NTM: variants seen among roughly 807,000 people sequenced by gnomAD.
The protein encoded by NTM is neurotrimin.
In NTM, 13 loss-of-function variants were observed where a neutral mutation model predicts 42.1. The ratio of observed to expected loss-of-function variants is 0.31; its 90% CI spans 0.20 to 0.49. The LOEUF (loss-of-function observed/expected upper bound fraction) is 0.49, where lower values mean the gene tolerates loss of function less well. Ranked by LOEUF, NTM falls within the 20% of genes least tolerant of loss-of-function variation. The pLI is 0.99. For synonymous variants in NTM, 187 were observed against 179.2 expected (o/e 1.04, Z -0.35); for missense variants, 373 against 452.8 (o/e 0.82, Z 1.60).
chr11:131,523,775 T>C (rs1591929261), intron 1 of NTM, among the ~76,000 whole-genome samples: 1 of 89,846 alleles, frequency 1.1e-5, no homozygotes, highest in Admixed American at 1.8e-4. Context: ...AGAGCGAGAC[T>C]CCATCTCAAA....
rs373754168 is a variant in NTM, at chr11:132,150,283, C to A, written c.400+3769C>A. On this transcript the variant is annotated intron_variant, in intron 3 of 8. Transcript: ENST00000683400. ...CTGCATTTATCTATTTATGCTCCAT[C>A]CCCATGGCCAGACATCTCCCATTAG... Among the ~76,000 whole-genome samples the A allele has an allele frequency of 2.9e-4, 44 of 152,282 alleles. 1 individual carries two copies. The highest frequency in any genetic ancestry group is 9.4e-4 in the African/African-American group (39 of 41,542).
At chr11:132,165,331 G>A (rs1360459585) in intron 3 of NTM, among the ~76,000 whole-genome samples, 3 of 152,044 alleles carry the variant, frequency 2.0e-5, no homozygotes, top group Non-Finnish European at 4.4e-5. Flanking sequence ...TCTTTCTGTA[G>A]CACTCCTCAT....
At chr11:131,895,525 C>T (rs2052128019) in intron 1 of NTM, among the ~76,000 whole-genome samples, 1 of 152,110 alleles carries the variant, frequency 6.6e-6, no homozygotes, top group South Asian at 2.1e-4. Context: ...CAAAAATGAA[C>T]AAGAAATGGC....
chr11:132,258,736 C>T (rs963740765), intron 4 of NTM, among the ~76,000 whole-genome samples: 13 of 152,124 alleles, frequency 8.5e-5, no homozygotes, highest in African/African-American at 2.9e-4. Flanking sequence ...CCACTATTTC[C>T]GTTCAACACA....
chr11:132,021,944 T>C (rs1035737200), intron 2 of NTM, among the ~76,000 whole-genome samples: 1 of 152,214 alleles, frequency 6.6e-6, no homozygotes, highest in Non-Finnish European at 1.5e-5. Flanking sequence ...CTCCAGGCTA[T>C]GGTGTGTTTG....
intron 1 of NTM, among the ~76,000 whole-genome samples, chr11:131,612,916 G>A (rs2061578790): frequency 1.3e-5 from 2 of 152,208 alleles, no homozygotes; most frequent in Admixed American, 6.5e-5. Flanking sequence ...GCAGGAGCTG[G>A]CAGTTTTGTA....
At chr11:131,831,420 T>C (rs1020475936) in intron 1 of NTM, among the ~76,000 whole-genome samples, 5 of 152,176 alleles carry the variant, frequency 3.3e-5, no homozygotes, top group East Asian at 1.9e-4. Flanking sequence ...ATAGATGATA[T>C]ACCCATGTCC....
At chr11:131,909,407 T>C (rs950840059) in intron 1 of NTM, among the ~76,000 whole-genome samples, 1 of 152,242 alleles carries the variant, frequency 6.6e-6, no homozygotes, top group African/African-American at 2.4e-5. Flanking sequence ...TTCAGTCTCT[T>C]TGATACCGGA....
At chr11:131,766,030 C>A (rs929277719) in intron 1 of NTM, among the ~76,000 whole-genome samples, 3 of 152,130 alleles carry the variant, frequency 2.0e-5, no homozygotes, top group African/African-American at 7.2e-5. Context: ...ATGGGTGAGG[C>A]AGCTGGTTAG....
At chr11:131,867,295 T>G (rs1242135126) in intron 1 of NTM, among the ~76,000 whole-genome samples, 15 of 151,548 alleles carry the variant, frequency 9.9e-5, no homozygotes, top group Admixed American at 9.9e-4. Flanking sequence ...AAGGCTGGAG[T>G]GGAGAGGTTG....
intron 2 of NTM, among the ~76,000 whole-genome samples, chr11:131,995,289 T>C (rs1035338835): frequency 7.9e-5 from 12 of 152,288 alleles, no homozygotes; most frequent in African/African-American, 2.6e-4. Context: ...TGCCACACAG[T>C]GGTCCAGGTG....
At chr11:131,521,656 T>A (rs2049744184) in intron 1 of NTM, among the ~76,000 whole-genome samples, 1 of 151,782 alleles carries the variant, frequency 6.6e-6, no homozygotes, top group Admixed American at 6.6e-5. Flanking sequence ...CACCAAAACA[T>A]TCAAGAGGGA....
chr11:131,493,198 C>T (rs1313502334), intron 1 of NTM, among the ~76,000 whole-genome samples: 1 of 152,112 alleles, frequency 6.6e-6, no homozygotes, highest in East Asian at 1.9e-4. Flanking sequence ...GTGATCACAC[C>T]ACTGCACTCC....
intron 1 of NTM, among the ~76,000 whole-genome samples, chr11:131,829,795 T>G (rs1045431352): frequency 2.6e-5 from 4 of 152,122 alleles, no homozygotes; most frequent in African/African-American, 7.2e-5. Flanking sequence ...TACATTCTCA[T>G]CATAGTGTAT....
chr11:132,199,963 C>T (rs186869921), intron 3 of NTM, among the ~76,000 whole-genome samples: 1 of 152,190 alleles, frequency 6.6e-6, no homozygotes, highest in Non-Finnish European at 1.5e-5. Flanking sequence ...CATGTTGAAA[C>T]TTCTCTCTTT....
chr11:132,169,165 GTC>G (rs1566363137), intron 3 of NTM, among the ~76,000 whole-genome samples: 1 of 151,758 alleles, frequency 6.6e-6, no homozygotes, highest in Non-Finnish European at 1.5e-5. Context: ...TTCTCTTACT[GTC>G]TCTTCTCTCT....
chr11:131,497,668 G>T (rs1440287756), intron 1 of NTM, among the ~76,000 whole-genome samples: 1 of 152,194 alleles, frequency 6.6e-6, no homozygotes, highest in Middle Eastern at 3.2e-3. Context: ...TCAAGAGGGA[G>T]AAAATTGTTA....
intron 3 of NTM, among the ~76,000 whole-genome samples, chr11:132,207,023 T>C (rs1975612): frequency 0.68 from 103,483 of 152,080 alleles, 35,533 homozygotes; most frequent in Middle Eastern, 0.78. Flanking sequence ...TCTGCATGTC[T>C]TTCATATACC....
intron 1 of NTM, among the ~76,000 whole-genome samples, chr11:131,808,114 T>C (rs1177613366): frequency 6.6e-6 from 1 of 152,224 alleles, no homozygotes; most frequent in Non-Finnish European, 1.5e-5. Context: ...CAGAGCTCCA[T>C]GCTTTCTCTA....
Sources: gnomAD v4.1 joint callset for allele counts (sites outside exome capture counted in the v4.1 genomes callset) on GRCh38, gnomAD v4.1.1 for gene constraint, MANE v1.5 for transcripts, NCBI Gene and HGNC (gene_info 2026-07-23, HGNC 2026-07-21) for gene names.